The following PIK3C2A variants were observed in gnomAD, a reference collection of about 807,000 sequenced individuals.
PIK3C2A encodes phosphatidylinositol-4-phosphate 3-kinase catalytic subunit type 2 alpha.
In PIK3C2A, 97 loss-of-function variants were observed where a neutral mutation model predicts 204.5. The observed-to-expected ratio is 0.47, with a 90% confidence interval of 0.40 to 0.56. PIK3C2A has a LOEUF of 0.56. Among genes scored for constraint, PIK3C2A ranks in the 20% least tolerant of loss-of-function variants. The pLI is 0.00. For missense variants in PIK3C2A, 1,735 were observed against 1,969.2 expected (o/e 0.88, Z 2.25); for synonymous variants, 653 against 664.4 (o/e 0.98, Z 0.26).
chr11:17,176,442 C>T (rs1017683609), intron 1 of PIK3C2A, among the ~76,000 whole-genome samples: 2 of 144,968 alleles, frequency 1.4e-5, no homozygotes, highest in Non-Finnish European at 3.1e-5. Context: ...TGGCCAGACC[C>T]TATCTCTGTA....
intron 11 of PIK3C2A, among the ~76,000 whole-genome samples, chr11:17,132,300 G>A (rs1415358452): frequency 6.7e-6 from 1 of 148,678 alleles, no homozygotes; most frequent in Non-Finnish European, 1.5e-5. Context: ...AACACCAGCT[G>A]AATAATTAAC....
chr11:17,090,344 G>A (rs923821883), intron 32 of PIK3C2A, among the ~76,000 whole-genome samples: 20 of 152,218 alleles, frequency 1.3e-4, no homozygotes, highest in African/African-American at 4.8e-4. Flanking sequence ...GCACATGCCT[G>A]TAATCCCAGC....
At chr11:17,174,971 T>C (rs528713707) in intron 1 of PIK3C2A, among the ~76,000 whole-genome samples, 83 of 152,290 alleles carry the variant, frequency 5.5e-4, no homozygotes, top group African/African-American at 1.9e-3. Flanking sequence ...GTAGATATAA[T>C]TCATCTTCCA....
intron 8 of PIK3C2A, among the ~76,000 whole-genome samples, chr11:17,145,429 C>T (rs1850205170): frequency 6.6e-6 from 1 of 152,154 alleles, no homozygotes; most frequent in Admixed American, 6.5e-5. Flanking sequence ...GTTCACTTGA[C>T]ACTCATTCTC....
rs538113257 is a variant in PIK3C2A at position 17,134,914 on chromosome 11, T to C, written c.2013A>G (p.Gln671=). ...ATGCTTCCTTGACACTCTTGCTACT[T>C]TGGGCACAGTCTGTAGGACTCCTAC... ...NSGRSPTDCA[Q]SSKSVKEAWT... Residue 671 remains glutamine, a synonymous_variant, in exon 11 of 33, where the codon CAA becomes CAG. Coordinates refer to ENST00000691414, the MANE Select transcript of PIK3C2A (RefSeq NM_002645.4). 6.2e-6 allele frequency: 10 copies of C among 1,614,156 alleles called. No homozygotes were observed. The East Asian group carries it at 8.9e-5, about 14-fold the overall frequency.
Position 17,134,804 on chromosome 11 carries a change from T to A in PIK3C2A, c.2108+15A>T, listed in dbSNP as rs1372430472. ...GTGCAAGCCACCATGCCTGGCTGCTTAAACAGTTACTTACTTTGATACCCA... is the reference window on the plus strand; with the variant it reads ...GTGCAAGCCACCATGCCTGGCTGCTAAAACAGTTACTTACTTTGATACCCA... On this transcript the variant is annotated intron_variant, in intron 11 of 32. Transcript: ENST00000691414. 1 of 1,593,316 alleles carries A rather than the reference T, an allele frequency of 6.3e-7. No individual in the cohort carries two copies. Among genetic ancestry groups the A allele is most frequent in the Non-Finnish European group, 8.6e-7 (1 of 1,161,222 alleles).
intron 1 of PIK3C2A, among the ~76,000 whole-genome samples, chr11:17,176,985 T>C (rs1851359761): frequency 2.0e-5 from 3 of 152,194 alleles, no homozygotes; most frequent in African/African-American, 2.4e-5. Flanking sequence ...TAGCTATTAG[T>C]ATCCCTAGTA....
rs1191604169 is a variant in PIK3C2A at position 17,132,096 on chromosome 11, T to C, written c.2109-58A>G. ...ATGATAATACAAATTAGTTAACTAA[T>C]ACAAATACATTAGCAGTTCTTCCTC... On this transcript the variant is annotated intron_variant, in intron 11 of 32. Transcript: ENST00000691414. The C allele has an allele frequency of 3.1e-6, 3 of 978,694 alleles. No individual in the cohort carries two copies. In the East Asian group the frequency reaches 7.6e-5, roughly 25 times the overall value. 60.6% of individuals were successfully genotyped at this position (978,694 alleles called of 1,614,324 possible). A position where few individuals can be genotyped will look rare whatever the true frequency, so the allele number is the denominator to read the frequency against.
chr11:17,183,166 T>TAA (rs111991564), intron 1 of PIK3C2A, among the ~76,000 whole-genome samples: 6 of 152,130 alleles, frequency 3.9e-5, no homozygotes, highest in African/African-American at 9.7e-5. Flanking sequence ...AAAATACAAG[T>TAA]AAAACATTAA....
rs759869051 is a variant in PIK3C2A, at chr11:17,189,812, CAAAAAAAA to C, written c.-66+18028_-66+18035del. Among the ~76,000 whole-genome samples, 361 of 60,382 alleles carry C rather than the reference CAAAAAAAA, an allele frequency of 6.0e-3. 2 individuals are homozygous for C. Among genetic ancestry groups the C allele is most frequent in the African/African-American group, 0.015 (331 of 21,510 alleles). The allele number at this position is 60,382 out of a possible 152,430, so 39.6% of individuals were successfully genotyped here. Reference sequence around the variant, plus strand: ...TGGGTCACAGAGTGAGGCTCTGTCTCAAAAAAAAAAAAAAAAAAAAAAAAGATGTCTGG... The same window carrying C: ...TGGGTCACAGAGTGAGGCTCTGTCTCAAAAAAAAAAAAAAAAGATGTCTGG... On this transcript the variant is annotated intron_variant, in intron 1 of 32. Coordinates refer to ENST00000691414, the MANE Select transcript of PIK3C2A (RefSeq NM_002645.4).
chr11:17,144,239 G>A (rs935179397), intron 8 of PIK3C2A, among the ~76,000 whole-genome samples: 1 of 152,064 alleles, frequency 6.6e-6, no homozygotes, highest in Non-Finnish European at 1.5e-5. Context: ...GTAAGACTTG[G>A]TTCAGGGAAC....
At chr11:17,160,051 T>C (rs926964150) in intron 2 of PIK3C2A, among the ~76,000 whole-genome samples, 7 of 152,146 alleles carry the variant, frequency 4.6e-5, no homozygotes, top group Admixed American at 6.5e-5. Flanking sequence ...AACACGCTCA[T>C]AGAAATACCC....
At position 17,091,595 on chromosome 11, in the gene PIK3C2A, A is replaced by T. The variant is rs750106043; in HGVS notation, c.4704T>A (p.Ser1568=). 2.5e-6 allele frequency: 4 copies of T among 1,613,186 alleles called. No homozygotes were observed. The East Asian group carries it at 8.9e-5, about 36-fold the overall frequency. ...QIGGAVKLSI[S]YRNGTLFIMV... ...TGATGAAAAGAGTACCATTTCGGTA[A>T]GAGATGGATAATTTCACAGCTCCTC... The change falls in exon 31 of 33, where the codon TCT becomes TCA. Residue 1568 remains serine (S), a synonymous_variant. Coordinates refer to ENST00000691414, the MANE Select transcript of PIK3C2A (RefSeq NM_002645.4).
chr11:17,196,273 T>C (rs899935659), intron 1 of PIK3C2A, among the ~76,000 whole-genome samples: 3 of 152,280 alleles, frequency 2.0e-5, no homozygotes, highest in African/African-American at 4.8e-5. Context: ...TTAGGTATAA[T>C]AGGAAGCCCA....
chr11:17,195,427 A>G (rs1373669337), intron 1 of PIK3C2A, among the ~76,000 whole-genome samples: 1 of 149,398 alleles, frequency 6.7e-6, no homozygotes, highest in Admixed American at 6.7e-5. Flanking sequence ...AAAAAAAAAA[A>G]TTAGAAACAT....
chr11:17,145,804 T>G (rs1850224668), intron 7 of PIK3C2A, 59 bp downstream of exon 7: 1 of 1,549,384 alleles, frequency 6.5e-7, no homozygotes, highest in South Asian at 1.1e-5. Flanking sequence ...CCAAAATAAG[T>G]GTATTTGCAT....
intron 22 of PIK3C2A, among the ~76,000 whole-genome samples, chr11:17,110,102 G>A (rs184089792): frequency 1.1e-3 from 167 of 152,092 alleles, no homozygotes; most frequent in African/African-American, 3.8e-3. Context: ...ACAGGGGCAC[G>A]CCACCACACC....
intron 1 of PIK3C2A, among the ~76,000 whole-genome samples, chr11:17,171,603 C>G (rs918540019): frequency 6.6e-6 from 1 of 152,132 alleles, no homozygotes; most frequent in Non-Finnish European, 1.5e-5. Flanking sequence ...CTTCATACAA[C>G]TATTTTCCCT....
chr11:17,131,713 G>A (rs1849702138), intron 12 of PIK3C2A, among the ~76,000 whole-genome samples: 1 of 152,092 alleles, frequency 6.6e-6, no homozygotes, highest in African/African-American at 2.4e-5. Context: ...GAGCCACTGC[G>A]CCCGGTCGGT....
Sources: gnomAD v4.1 joint callset for allele counts (sites outside exome capture counted in the v4.1 genomes callset) on GRCh38, gnomAD v4.1.1 for gene constraint, MANE v1.5 for transcripts, NCBI Gene and HGNC (gene_info 2026-07-23, HGNC 2026-07-21) for gene names.